SNX29: variants seen among roughly 807,000 people sequenced by gnomAD.
SNX29 encodes the protein sorting nexin 29.
A neutral mutation model predicts 102.1 loss-of-function variants in SNX29; 78 were observed. The observed-to-expected ratio is 0.76, with a 90% confidence interval of 0.64 to 0.92. The LOEUF is 0.92. SNX29 is among the 40% of genes least tolerant of loss of function. The pLI is 0.00. For synonymous variants in SNX29, 580 were observed against 414.5 expected (o/e 1.40, Z -4.85); for missense variants, 1,280 against 1,061.7 (o/e 1.21, Z -2.86).
intron 19 of SNX29, among the ~76,000 whole-genome samples, chr16:12,491,468 C>T (rs1244179988): frequency 6.6e-6 from 1 of 152,060 alleles, no homozygotes; most frequent in Non-Finnish European, 1.5e-5. Context: ...ATTTCACCAA[C>T]ACAATGGGTA....
chr16:12,059,072 A>G (rs192253391), intron 8 of SNX29, among the ~76,000 whole-genome samples: 182 of 152,086 alleles, frequency 1.2e-3, no homozygotes, highest in African/African-American at 4.2e-3. Flanking sequence ...CTGGCCAGCA[A>G]TCTTTAATGT....
intron 13 of SNX29, among the ~76,000 whole-genome samples, chr16:12,157,071 G>A (rs778460398): frequency 2.6e-5 from 4 of 152,186 alleles, no homozygotes; most frequent in Admixed American, 2.0e-4. Context: ...GGGAAGGAAC[G>A]GCAGTCAGGA....
At chr16:12,456,042 G>A (rs1482676733) in intron 18 of SNX29, among the ~76,000 whole-genome samples, 2 of 152,122 alleles carry the variant, frequency 1.3e-5, no homozygotes, top group African/African-American at 4.8e-5. Flanking sequence ...TTCAGGTGAT[G>A]TTCATTTATT....
intron 6 of SNX29, 121 bp from the exon 7 acceptor site, chr16:12,048,251 A>G (rs2050164743): frequency 7.0e-7 from 1 of 1,422,926 alleles, no homozygotes; most frequent in Admixed American, 1.7e-5. Flanking sequence ...AGGTATTTTT[A>G]TACCTATTTA....
At chr16:12,032,091 A>G (rs1046307800) in intron 4 of SNX29, among the ~76,000 whole-genome samples, 2 of 152,008 alleles carry the variant, frequency 1.3e-5, no homozygotes, top group Non-Finnish European at 2.9e-5. Flanking sequence ...GGTTCCTTGT[A>G]CCAATGGAAT....
Position 12,569,710 on chromosome 16 carries a change from G to T in SNX29, c.*1081G>T. On this transcript the variant is annotated 3_prime_UTR_variant, in exon 21 of 21. Transcript: ENST00000566228. ...GACCTTGGCAGGTGGAGAGGAGGAT[G>T]GGGACCAGCAGCTGGGCAGCCCCCA... The T allele has an allele frequency of 4.3e-6, 1 of 230,690 alleles. No homozygotes were observed. The highest frequency in any genetic ancestry group is 8.6e-6 in the Non-Finnish European group (1 of 116,454). The allele number at this position is 230,690 out of a possible 1,614,324, so 14.3% of individuals were successfully genotyped here.
chr16:12,557,021 C>CG (rs969469500), intron 20 of SNX29, among the ~76,000 whole-genome samples: 2 of 42,560 alleles, frequency 4.7e-5, no homozygotes, highest in East Asian at 4.5e-4. Flanking sequence ...ATTTACCCCC[C>CG]CCCCGCCCCA....
intron 10 of SNX29, among the ~76,000 whole-genome samples, chr16:12,078,095 G>A (rs1158736806): frequency 6.6e-6 from 1 of 152,084 alleles, no homozygotes; most frequent in Non-Finnish European, 1.5e-5. Flanking sequence ...ATCTCCATAC[G>A]GCACATCACA....
At chr16:12,543,105 C>T (rs1005507788) in intron 20 of SNX29, among the ~76,000 whole-genome samples, 3 of 152,180 alleles carry the variant, frequency 2.0e-5, no homozygotes, top group Non-Finnish European at 4.4e-5. Context: ...AAGATGGATC[C>T]TGGCAGCTGC....
chr16:12,404,960 C>A (rs1326464641), intron 18 of SNX29, among the ~76,000 whole-genome samples: 1 of 152,194 alleles, frequency 6.6e-6, no homozygotes, highest in Non-Finnish European at 1.5e-5. Context: ...AGTTTGACAC[C>A]TTCAGCTGGG....
chr16:12,390,428 T>C (rs532935102), intron 16 of SNX29, among the ~76,000 whole-genome samples: 3 of 152,306 alleles, frequency 2.0e-5, no homozygotes, highest in Non-Finnish European at 4.4e-5. Context: ...AACTGTCTAA[T>C]GAATTGTGCT....
At chr16:12,003,856 A>C (rs2056371622) in intron 3 of SNX29, among the ~76,000 whole-genome samples, 1 of 151,540 alleles carries the variant, frequency 6.6e-6, no homozygotes, top group African/African-American at 2.4e-5. Flanking sequence ...AAAACACAAA[A>C]ATTAGCTGGG....
chr16:12,364,035 C>T (rs2082380081), intron 16 of SNX29, among the ~76,000 whole-genome samples: 1 of 152,076 alleles, frequency 6.6e-6, no homozygotes, highest in African/African-American at 2.4e-5. Context: ...CTGTGTTGCC[C>T]AGGCTGGAGT....
rs770028995 is a variant in SNX29 at position 12,048,453 on chromosome 16, A to T, written c.581A>T (p.Asp194Val). Residue 194 changes from aspartate (D) to valine (V), a missense_variant, in exon 7 of 21, where the codon GAC (aspartate) becomes GTC (valine). Physicochemically the swap from Asp to Val is radical, Grantham distance 152. Coordinates refer to ENST00000566228, the MANE Select transcript of SNX29 (RefSeq NM_032167.5). ...GQSKFAPTVS[D>V]LLKESTQNVT... Reference sequence around the variant, plus strand: ...AGTAAGTTTGCTCCCACCGTTTCAGACCTCTTAAAGGAGTCAACGCAGAAC... The same window carrying T: ...AGTAAGTTTGCTCCCACCGTTTCAGTCCTCTTAAAGGAGTCAACGCAGAAC... The T allele has an allele frequency of 1.2e-6, 2 of 1,613,778 alleles. No individual in the cohort carries two copies.
intron 18 of SNX29, among the ~76,000 whole-genome samples, chr16:12,450,764 T>C (rs1483045345): frequency 6.6e-6 from 1 of 152,100 alleles, no homozygotes; most frequent in East Asian, 1.9e-4. Context: ...CATGGTATGA[T>C]TGGAGCTTTA....
chr16:12,456,347 G>C (rs1323203251), intron 18 of SNX29, among the ~76,000 whole-genome samples: 1 of 152,186 alleles, frequency 6.6e-6, no homozygotes, highest in Non-Finnish European at 1.5e-5. Context: ...TAAACAGACA[G>C]TGTCAACCTA....
At chr16:12,222,161 A>C (rs944135543) in intron 14 of SNX29, among the ~76,000 whole-genome samples, 1 of 152,226 alleles carries the variant, frequency 6.6e-6, no homozygotes, top group Admixed American at 6.5e-5. Context: ...GCAGAAACAC[A>C]GAGAGCTTAA....
chr16:12,544,554 T>TA (rs775093973), intron 20 of SNX29, among the ~76,000 whole-genome samples: 3 of 152,342 alleles, frequency 2.0e-5, no homozygotes, highest in Non-Finnish European at 2.9e-5. Flanking sequence ...TCTGGAATGT[T>TA]ACAGTGATGG....
chr16:12,544,699 C>G (rs367994822), intron 20 of SNX29, among the ~76,000 whole-genome samples: 3 of 152,200 alleles, frequency 2.0e-5, no homozygotes, highest in South Asian at 2.1e-4. Context: ...AATTCTCTTC[C>G]TCCACCATCC....
Sources: gnomAD v4.1 joint callset for allele counts (sites outside exome capture counted in the v4.1 genomes callset) on GRCh38, gnomAD v4.1.1 for gene constraint, MANE v1.5 for transcripts, NCBI Gene and HGNC (gene_info 2026-07-23, HGNC 2026-07-21) for gene names.